GKAP1: variants seen among roughly 807,000 people sequenced by gnomAD.
GKAP1 encodes the protein G kinase-anchoring protein 1.
A neutral mutation model predicts 56.7 loss-of-function variants in GKAP1; 31 were observed. The observed-to-expected ratio is 0.55, with a 90% CI of 0.41 to 0.74. The LOEUF (loss-of-function observed/expected upper bound fraction) is 0.74, where lower values mean the gene tolerates loss of function less well. Among genes scored for constraint, GKAP1 ranks in the 30% least tolerant of loss-of-function variants. GKAP1 has a pLI of 0.00. For synonymous variants in GKAP1, 151 were observed against 138.6 expected (o/e 1.09, Z -0.63); for missense variants, 364 against 402.3 (o/e 0.90, Z 0.82).
At chr9:83,753,749 T>C in intron 8 of GKAP1, among the ~76,000 whole-genome samples, 1 of 152,148 alleles carries the variant, frequency 6.6e-6, no homozygotes, top group East Asian at 1.9e-4. Context: ...TTCACTGTAT[T>C]AGCAATTAAC....
rs116985359 is a variant in GKAP1, at chr9:83,786,498, G to A, written c.439-1660C>T. Among the ~76,000 whole-genome samples, 59 of 150,270 alleles carry A rather than the reference G, an allele frequency of 3.9e-4. No homozygotes were observed. In the East Asian group the frequency reaches 6.7e-3, roughly 17 times the overall value. The stretch of plus-strand genomic sequence containing the variant: ...GGGGGTTGTGGTGAACCGAGATTGC[G>A]CCATTACACTACAGCCTGGGCAACA... On this transcript the variant is annotated intron_variant, in intron 5 of 12. Transcript: ENST00000376371.
chr9:83,800,119 T>C (rs1018762228), intron 3 of GKAP1, among the ~76,000 whole-genome samples: 1 of 151,906 alleles, frequency 6.6e-6, no homozygotes, highest in Non-Finnish European at 1.5e-5. Flanking sequence ...CATAATCAAC[T>C]AAAACAGTAT....
intron 6 of GKAP1, 109 bp downstream of exon 6, chr9:83,784,606 C>T (rs796811199): frequency 2.5e-6 from 2 of 800,152 alleles, no homozygotes; most frequent in South Asian, 2.4e-5. Context: ...CTACATGATA[C>T]ATGAATAACT....
intron 8 of GKAP1, among the ~76,000 whole-genome samples, chr9:83,762,411 C>T (rs866661148): frequency 6.6e-6 from 1 of 151,976 alleles, no homozygotes; most frequent in Admixed American, 6.6e-5. Context: ...GAAGAGATGA[C>T]AAAATGGAAA....
intron 2 of GKAP1, among the ~76,000 whole-genome samples, chr9:83,807,872 C>G (rs1309745078): frequency 1.3e-5 from 2 of 152,176 alleles, no homozygotes; most frequent in African/African-American, 4.8e-5. Context: ...GAAAGCTAAC[C>G]ACACATTATC....
chr9:83,780,885 T>C (rs967942547), intron 6 of GKAP1, among the ~76,000 whole-genome samples: 2 of 152,188 alleles, frequency 1.3e-5, no homozygotes, highest in Admixed American at 6.5e-5. Flanking sequence ...TTTAAAAGCA[T>C]ATATCAAGGT....
Position 83,806,395 on chromosome 9 carries a change from C to G in GKAP1, c.123G>C (p.Lys41Asn). Residue 41 changes from lysine to asparagine, a missense_variant, in exon 3 of 13, where the codon AAG becomes AAC. Physicochemically the swap from Lys to Asn is moderately conservative, Grantham distance 94 (BLOSUM62 0). Transcript: ENST00000376371. The part of the protein sequence containing the change: ...PGKGKGRNTG[K>N]SQTLGSKSTT... ...TTGACTTGCTTCCTAAAGTTTGAGA[C>G]TTTCCAGTATTTCGACCTTTACCTT... 1.2e-6 allele frequency: 2 copies of G among 1,602,556 alleles called. No homozygotes were observed. The highest frequency in any genetic ancestry group is 1.1e-5 in the South Asian group (1 of 89,278).
At chr9:83,783,525 C>T (rs1375636810) in intron 6 of GKAP1, among the ~76,000 whole-genome samples, 1 of 152,204 alleles carries the variant, frequency 6.6e-6, no homozygotes, top group Non-Finnish European at 1.5e-5. Flanking sequence ...ATATAATGTG[C>T]TTTGCAGTTT....
At chr9:83,791,201 G>C (rs1013725932) in intron 4 of GKAP1, among the ~76,000 whole-genome samples, 1 of 152,134 alleles carries the variant, frequency 6.6e-6, no homozygotes, top group Non-Finnish European at 1.5e-5. Flanking sequence ...AGGAGATCAA[G>C]ACCATCCTGG....
intron 10 of GKAP1, among the ~76,000 whole-genome samples, chr9:83,746,512 C>T (rs1943296422): frequency 6.6e-6 from 1 of 152,136 alleles, no homozygotes; most frequent in South Asian, 2.1e-4. Flanking sequence ...ACCATCCTGG[C>T]CAACATGGTG....
chr9:83,763,925 T>C (rs966442070), intron 8 of GKAP1, among the ~76,000 whole-genome samples: 1 of 152,200 alleles, frequency 6.6e-6, no homozygotes. Context: ...ATCATACTGC[T>C]ACTTAATTAT....
chr9:83,757,678 G>C (rs536249132), intron 8 of GKAP1, among the ~76,000 whole-genome samples: 2 of 152,056 alleles, frequency 1.3e-5, no homozygotes, highest in Non-Finnish European at 2.9e-5. Flanking sequence ...CACATTATAT[G>C]GCATTAAAGG....
intron 8 of GKAP1, among the ~76,000 whole-genome samples, chr9:83,759,164 T>C (rs959176738): frequency 6.6e-6 from 1 of 152,368 alleles, no homozygotes; most frequent in African/African-American, 2.4e-5. Flanking sequence ...CTTCTGAGGA[T>C]ATCCATGATT....
chr9:83,748,892 T>A (rs1269694079), intron 9 of GKAP1: 1 of 152,244 alleles, frequency 6.6e-6, no homozygotes, highest in South Asian at 2.1e-4. Flanking sequence ...TAAAATGTGA[T>A]AGACTTGTAG....
chr9:83,780,413 GA>G lies in GKAP1; in HGVS notation c.563-10del. On this transcript the variant is annotated splice_polypyrimidine_tract_variant and intron_variant, in intron 6 of 12. Transcript: ENST00000376371. ...CTTTTTACTAATGTGATCTGTAAATGAAAAAGAAACAAAGATGAAACTTTAT... is the reference window on the plus strand; with the variant it reads ...CTTTTTACTAATGTGATCTGTAAATGAAAAGAAACAAAGATGAAACTTTAT... 3.5e-6 allele frequency: 3 copies of G among 855,704 alleles called. No individual in the cohort carries two copies. The highest frequency in any genetic ancestry group is 3.0e-6 in the Non-Finnish European group (2 of 657,866). 53.0% of individuals were successfully genotyped at this position (855,704 alleles called of 1,614,324 possible).
At chr9:83,785,041 CAA>C (rs145874237) in intron 5 of GKAP1, among the ~76,000 whole-genome samples, 1,696 of 152,056 alleles carry the variant, frequency 0.011, 28 homozygotes, top group African/African-American at 0.039. Context: ...AAAATGAAAA[CAA>C]AAAAAGTCAT....
At chr9:83,806,207 C>A in intron 3 of GKAP1, 95 bp downstream of exon 3, 1 of 721,020 alleles carries the variant, frequency 1.4e-6, no homozygotes, top group Non-Finnish European at 2.3e-6. Flanking sequence ...ACCTGTGGAA[C>A]AGGTACTATG....
At chr9:83,779,580 T>C (rs1329143339) in intron 7 of GKAP1, among the ~76,000 whole-genome samples, 4 of 86,548 alleles carry the variant, frequency 4.6e-5, no homozygotes, top group African/African-American at 2.3e-4. Flanking sequence ...CACACATATA[T>C]ATACACGTAT....
chr9:83,815,091 G>A (rs1944563729), intron 2 of GKAP1, among the ~76,000 whole-genome samples: 1 of 152,180 alleles, frequency 6.6e-6, no homozygotes, highest in Non-Finnish European at 1.5e-5. Flanking sequence ...AGAATCGCTT[G>A]AACCAGGGAG....
Sources: allele counts gnomAD v4.1 joint callset (sites outside exome capture counted in the v4.1 genomes callset), GRCh38; gene constraint gnomAD v4.1.1; transcripts MANE v1.5; gene names NCBI Gene and HGNC (gene_info 2026-07-23, HGNC 2026-07-21).